The following MXI1 variants were observed in gnomAD, a reference collection of about 807,000 sequenced individuals.
MXI1 encodes MAX interactor 1, dimerization protein.
A neutral mutation model predicts 36.9 loss-of-function variants in MXI1; 18 were observed. The ratio of observed to expected loss-of-function variants is 0.49; its 90% CI spans 0.34 to 0.72. MXI1 has a LOEUF of 0.72. Ranked by LOEUF, MXI1 falls within the 30% of genes least tolerant of loss-of-function variation. The probability of loss-of-function intolerance (pLI) is 0.01; values close to 1 mark genes in which losing one functional copy is unlikely to be tolerated. For missense variants in MXI1, 304 were observed against 379.1 expected (o/e 0.80, Z 1.64); for synonymous variants, 160 against 146.7 (o/e 1.09, Z -0.65).
At chr10:110,274,549 A>C (rs1203208765) in intron 3 of MXI1, among the ~76,000 whole-genome samples, 1 of 152,200 alleles carries the variant, frequency 6.6e-6, no homozygotes, top group Non-Finnish European at 1.5e-5. Flanking sequence ...TTAGCTGTTC[A>C]TGTGTTTTTA....
intron 1 of MXI1, among the ~76,000 whole-genome samples, chr10:110,208,742 C>A (rs544016347): frequency 4.5e-5 from 4 of 88,250 alleles, no homozygotes; most frequent in African/African-American, 1.9e-4. Flanking sequence ...CCACCGCCGC[C>A]CCCCCCCCCC....
At chr10:110,239,374 C>T (rs144688701) in intron 2 of MXI1, among the ~76,000 whole-genome samples, 1,568 of 152,286 alleles carry the variant, frequency 0.01, 16 homozygotes, top group Non-Finnish European at 0.014. Context: ...TGATTTTGGA[C>T]ACTACCCTCC....
chr10:110,254,929 A>T (rs1325460182), intron 3 of MXI1, among the ~76,000 whole-genome samples: 2 of 152,240 alleles, frequency 1.3e-5, no homozygotes, highest in African/African-American at 4.8e-5. Flanking sequence ...GTAGCAAATT[A>T]TTGAGAAAAT....
chr10:110,212,963 T>C (rs540538849), intron 1 of MXI1, among the ~76,000 whole-genome samples: 121 of 152,332 alleles, frequency 7.9e-4, no homozygotes, highest in African/African-American at 2.9e-3. Context: ...AGCACACCAC[T>C]GGGCATACAG....
intron 2 of MXI1, among the ~76,000 whole-genome samples, chr10:110,237,368 C>T (rs1855510469): frequency 6.6e-6 from 1 of 152,096 alleles, no homozygotes; most frequent in African/African-American, 2.4e-5. Context: ...TCCCTTCTTC[C>T]CTTATTTGCT....
intron 1 of MXI1, among the ~76,000 whole-genome samples, chr10:110,220,025 A>G (rs568078483): frequency 1.3e-5 from 2 of 152,300 alleles, no homozygotes; most frequent in South Asian, 2.1e-4. Flanking sequence ...CAATGTTTCT[A>G]CCGCCTCCTA....
chr10:110,231,364 C>T (rs532532867), intron 2 of MXI1, among the ~76,000 whole-genome samples: 2 of 124,620 alleles, frequency 1.6e-5, no homozygotes, highest in South Asian at 6.1e-4. Context: ...GATAATCCAC[C>T]CCCCCCCCCT....
intron 3 of MXI1, among the ~76,000 whole-genome samples, chr10:110,273,135 C>T (rs894805953): frequency 6.6e-6 from 1 of 151,130 alleles, no homozygotes; most frequent in Admixed American, 6.6e-5. Flanking sequence ...GCAACCTCCG[C>T]CTCCCAGTTT....
chr10:110,246,445 G>A (rs1467226276), intron 3 of MXI1, among the ~76,000 whole-genome samples: 4 of 152,040 alleles, frequency 2.6e-5, no homozygotes, highest in Admixed American at 1.3e-4. Context: ...AAAATATATT[G>A]GCTAGCCCAA....
At chr10:110,230,538 A>G (rs934102203) in intron 2 of MXI1, among the ~76,000 whole-genome samples, 2 of 152,264 alleles carry the variant, frequency 1.3e-5, no homozygotes, top group Non-Finnish European at 2.9e-5. Context: ...TATTATCTCA[A>G]GATCCACCAA....
chr10:110,226,626 G>A (rs568154151), intron 1 of MXI1, among the ~76,000 whole-genome samples: 2 of 17,246 alleles, frequency 1.2e-4, no homozygotes, highest in African/African-American at 6.7e-4. Flanking sequence ...GGGGCGTGTG[G>A]GTAGGGGAGC....
chr10:110,215,983 C>T (rs1454458553), intron 1 of MXI1, among the ~76,000 whole-genome samples: 2 of 152,214 alleles, frequency 1.3e-5, no homozygotes, highest in African/African-American at 4.8e-5. Context: ...AAGCAATTGT[C>T]TCTGATGTCA....
At chr10:110,252,018 C>G (rs2134409599) in intron 3 of MXI1, among the ~76,000 whole-genome samples, 1 of 151,886 alleles carries the variant, frequency 6.6e-6, no homozygotes, top group African/African-American at 2.4e-5. Context: ...ATGTACAAAG[C>G]ATTTAAAAAA....
intron 1 of MXI1, among the ~76,000 whole-genome samples, chr10:110,209,459 G>C (rs1383809011): frequency 6.6e-6 from 1 of 152,172 alleles, no homozygotes; most frequent in Non-Finnish European, 1.5e-5. Flanking sequence ...GATACCCCAG[G>C]TCTTCAGGGT....
intron 1 of MXI1, among the ~76,000 whole-genome samples, chr10:110,216,665 G>GTTGTTTTTTTTTTTTTTTTTTTT (rs1854644212): frequency 1.3e-5 from 1 of 79,060 alleles, no homozygotes; most frequent in African/African-American, 8.0e-5. Context: ...TGTGTTTAAT[G>GTTGTTTTTTTTTTTTTTTTTTTT]TTTTTTTTTT....
intron 2 of MXI1, among the ~76,000 whole-genome samples, chr10:110,234,194 C>A (rs546746367): frequency 5.3e-5 from 8 of 152,188 alleles, no homozygotes; most frequent in Admixed American, 3.9e-4. Context: ...GCTTTCTCTT[C>A]TAGATTTCTC....
chr10:110,270,602 A>G (rs2134449901), intron 3 of MXI1, among the ~76,000 whole-genome samples: 1 of 152,314 alleles, frequency 6.6e-6, no homozygotes, highest in East Asian at 1.9e-4. Context: ...CATTTATTAC[A>G]TGGGATTAAG....
At chr10:110,225,402 G>A (rs1427883779) in intron 1 of MXI1, among the ~76,000 whole-genome samples, 1 of 152,216 alleles carries the variant, frequency 6.6e-6, no homozygotes, top group Non-Finnish European at 1.5e-5. Flanking sequence ...CTACTTGTCT[G>A]TGTGGAAGCT....
At chr10:110,271,807 G>A (rs1396527204) in intron 3 of MXI1, among the ~76,000 whole-genome samples, 2 of 152,182 alleles carry the variant, frequency 1.3e-5, no homozygotes, top group African/African-American at 4.8e-5. Flanking sequence ...GATGATAATT[G>A]TTATTGACTG....
Sources: allele counts gnomAD v4.1 joint callset (sites outside exome capture counted in the v4.1 genomes callset), GRCh38; gene constraint gnomAD v4.1.1; transcripts MANE v1.5; gene names NCBI Gene and HGNC (gene_info 2026-07-23, HGNC 2026-07-21).